SCN9A: variants seen among roughly 807,000 people sequenced by gnomAD.
SCN9A encodes the protein sodium voltage-gated channel alpha subunit 9, also known as sodium channel protein type 9 subunit alpha.
A neutral mutation model predicts 187.0 loss-of-function variants in SCN9A; 131 were observed. That is an observed-to-expected ratio of 0.70 (90% CI 0.61 to 0.81). The LOEUF (loss-of-function observed/expected upper bound fraction) is 0.81, where lower values mean the gene tolerates loss of function less well. Ranked by LOEUF, SCN9A falls within the 30% of genes least tolerant of loss-of-function variation. SCN9A has a pLI of 0.00. For synonymous variants in SCN9A, 809 were observed against 808.6 expected, an observed-to-expected ratio of 1.00 and a Z score of -0.01; for missense variants, 2,252 against 2,396.6, an observed-to-expected ratio of 0.94 and a Z score of 1.26.
intron 6 of SCN9A, chr2:166,303,954 T>C: frequency 1.5e-6 from 2 of 1,341,758 alleles, no homozygotes; most frequent in Middle Eastern, 1.8e-4. Context: ...TTAATTAAAA[T>C]TGCATAAAGA....
At chr2:166,216,078 T>C (rs75795481) in intron 24 of SCN9A, among the ~76,000 whole-genome samples, 3,152 of 152,150 alleles carry the variant, frequency 0.021, 121 homozygotes, top group African/African-American at 0.073. Context: ...CAAAAATGGT[T>C]AAACATACAT....
Position 166,198,953 on chromosome 2 carries a change from T to A in SCN9A, c.5686A>T (p.Ile1896Phe), listed in dbSNP as rs1489909919. The A allele has an allele frequency of 6.2e-7, 1 of 1,614,030 alleles. No individual in the cohort carries two copies. Among genetic ancestry groups the A allele is most frequent in the Non-Finnish European group, 8.5e-7 (1 of 1,179,906 alleles). ...RKQEDVSATVIQRAYRRYRLR... is the reference protein window; with the variant it reads ...RKQEDVSATVFQRAYRRYRLR... Reference sequence around the variant, plus strand: ...CGGTAACGTCTATAAGCACGCTGAATGACAGTAGCAGACACATCCTCTTGT... The same window carrying A: ...CGGTAACGTCTATAAGCACGCTGAAAGACAGTAGCAGACACATCCTCTTGT... The change falls in exon 27 of 27, where the codon ATT becomes TTT. Residue 1896 changes from isoleucine (I) to phenylalanine (F), a missense_variant. Ile to Phe is a conservative substitution (Grantham distance 21). Coordinates refer to ENST00000642356, the MANE Select transcript of SCN9A (RefSeq NM_001365536.1).
Position 166,278,169 on chromosome 2 carries a change from C to T in SCN9A, c.2488G>A (p.Gly830Arg), listed in dbSNP as rs1553488198. The change falls in exon 15 of 27, where the codon GGA becomes AGA. Residue 830 changes from glycine (G) to arginine (R), a missense_variant. Around this residue, in one of 7 missense-constraint regions of SCN9A, gnomAD observed 1,013 missense variants for 997.4 expected, o/e 1.02. Transcript: ENST00000642356. ...LVELFLADVE[G>R]LSVLRSFRLL... ...CTGAATGATCGCAGAACTGACAATCCTTCCACATCTGCTAGAAAGAGCTCC... is the reference window on the plus strand; with the variant it reads ...CTGAATGATCGCAGAACTGACAATCTTTCCACATCTGCTAGAAAGAGCTCC... 1 of 1,612,612 alleles carries T rather than the reference C, an allele frequency of 6.2e-7. No individual in the cohort carries two copies. The highest frequency in any genetic ancestry group is 8.5e-7 in the Non-Finnish European group (1 of 1,179,398).
chr2:166,223,875 G>A (rs1694733195), intron 24 of SCN9A, among the ~76,000 whole-genome samples: 1 of 152,180 alleles, frequency 6.6e-6, no homozygotes, highest in East Asian at 1.9e-4. Context: ...TGAAGTGTTG[G>A]TCATGTTTTT....
At chr2:166,221,523 C>T (rs555263391) in intron 24 of SCN9A, among the ~76,000 whole-genome samples, 1 of 152,210 alleles carries the variant, frequency 6.6e-6, no homozygotes, top group East Asian at 1.9e-4. Context: ...ACCTCAGGCT[C>T]CTAAGTAGCT....
At chr2:166,306,741 G>A in intron 3 of SCN9A, 142 bp from the exon 4 acceptor site, 1 of 706,486 alleles carries the variant, frequency 1.4e-6, no homozygotes, top group Non-Finnish European at 2.5e-6. Context: ...TTGAACAAGA[G>A]AGTAATAAAT....
intron 12 of SCN9A, among the ~76,000 whole-genome samples, chr2:166,283,233 A>G (rs796826869): frequency 6.6e-6 from 1 of 152,194 alleles, no homozygotes; most frequent in Non-Finnish European, 1.5e-5. Flanking sequence ...ATTCCACAGA[A>G]ATTTAACATG....
intron 24 of SCN9A, among the ~76,000 whole-genome samples, chr2:166,210,920 G>T (rs1272752851): frequency 6.6e-6 from 1 of 152,062 alleles, no homozygotes; most frequent in Non-Finnish European, 1.5e-5. Context: ...AATCAGCTGG[G>T]TGTGGTGGTG....
rs1277724272 is a variant in SCN9A, at chr2:166,239,742, C to T, written c.3628-1475G>A. ...TTGAAATACAAAGACAAGGAAGGGG[C>T]TTAGTCACAAGGAAAACGAAGCCTG... On this transcript the variant is annotated intron_variant, in intron 19 of 26. Transcript: ENST00000642356. Among the ~76,000 whole-genome samples the T allele has an allele frequency of 2.0e-5, 3 of 152,108 alleles. 1 individual carries two copies. The highest frequency in any genetic ancestry group is 4.1e-4 in the South Asian group (2 of 4,826).
At chr2:166,232,006 C>T (rs571467583) in intron 21 of SCN9A, among the ~76,000 whole-genome samples, 11 of 152,122 alleles carry the variant, frequency 7.2e-5, no homozygotes, top group Admixed American at 2.0e-4. Context: ...TCCTGGTGGA[C>T]GGACAAGGCA....
At chr2:166,314,301 T>TA (rs1465895692) in intron 1 of SCN9A, among the ~76,000 whole-genome samples, 1 of 152,110 alleles carries the variant, frequency 6.6e-6, no homozygotes, top group African/African-American at 2.4e-5. Context: ...TAAAGCCCCA[T>TA]AAAATGAAGT....
intron 1 of SCN9A, among the ~76,000 whole-genome samples, chr2:166,318,291 C>T (rs138982989): frequency 4.6e-5 from 7 of 152,020 alleles, no homozygotes; most frequent in Non-Finnish European, 4.4e-5. Flanking sequence ...TATACACAGA[C>T]CTTTCAGTCA....
In SCN9A at chr2:166,197,786, G is replaced by A. The variant is rs1043361375; in HGVS notation, c.*886C>T. 4 of 152,152 alleles carry A rather than the reference G, an allele frequency of 2.6e-5. No homozygotes were observed. The highest frequency in any genetic ancestry group is 9.7e-5 in the African/African-American group (4 of 41,444). 9.4% of individuals were successfully genotyped at this position (152,152 alleles called of 1,614,324 possible). ...AAAAGAGTTTAAGAGACTATTATCA[G>A]TATTTTGGGCAGCACAGTCAAATGT... On this transcript the variant is annotated 3_prime_UTR_variant, in exon 27 of 27. Transcript: ENST00000642356.
chr2:166,270,659 C>T (rs188855445), intron 17 of SCN9A, among the ~76,000 whole-genome samples: 58 of 151,538 alleles, frequency 3.8e-4, no homozygotes, highest in Admixed American at 1.3e-3. Flanking sequence ...GAGTCTCACT[C>T]TGTAGTCCAA....
At chr2:166,269,272 TC>T (rs1393503314) in intron 17 of SCN9A, among the ~76,000 whole-genome samples, 1 of 152,006 alleles carries the variant, frequency 6.6e-6, no homozygotes, top group African/African-American at 2.4e-5. Context: ...GTTAAAATAA[TC>T]TATTTCAGTT....
intron 24 of SCN9A, among the ~76,000 whole-genome samples, chr2:166,215,634 T>C (rs1694297739): frequency 6.6e-6 from 1 of 151,852 alleles, no homozygotes; most frequent in Non-Finnish European, 1.5e-5. Flanking sequence ...TGAACAACCA[T>C]ACACCATCAA....
chr2:166,287,642 G>C (rs1373944189), intron 10 of SCN9A, among the ~76,000 whole-genome samples: 1 of 152,034 alleles, frequency 6.6e-6, no homozygotes, highest in Non-Finnish European at 1.5e-5. Context: ...GGCAACTGCA[G>C]TACATTTGAA....
At chr2:166,209,828 G>A (rs1046577544) in intron 24 of SCN9A, among the ~76,000 whole-genome samples, 4 of 152,070 alleles carry the variant, frequency 2.6e-5, no homozygotes, top group African/African-American at 9.7e-5. Context: ...AGAGGATGTG[G>A]AGAAATAGGA....
Position 166,277,493 on chromosome 2 carries a change from A to G in SCN9A, c.2518-154T>C, listed in dbSNP as rs73021694. Among the ~76,000 whole-genome samples the G allele has an allele frequency of 9.6e-4, 146 of 152,190 alleles. 1 individual carries two copies. The highest frequency in any genetic ancestry group is 3.4e-3 in the African/African-American group (142 of 41,526). ...ATATTCTTATTTTTCATTTTCATCA[A>G]TTTTCAATATCTCTGTTATTTTGTT... On this transcript the variant is annotated intron_variant, in intron 15 of 26. Coordinates refer to ENST00000642356, the MANE Select transcript of SCN9A (RefSeq NM_001365536.1).
Sources: allele counts gnomAD v4.1 joint callset (sites outside exome capture counted in the v4.1 genomes callset), GRCh38; gene constraint gnomAD v4.1.1; regional missense constraint gnomAD v4.1.1; transcripts MANE v1.5; gene names NCBI Gene and HGNC (gene_info 2026-07-23, HGNC 2026-07-21).